The following STK31 variants were observed in gnomAD, a reference collection of about 807,000 sequenced individuals.
STK31 encodes serine/threonine-protein kinase 31.
A neutral mutation model predicts 129.7 loss-of-function variants in STK31; 89 were observed. That is an observed-to-expected ratio of 0.69 (90% CI 0.58 to 0.82). The LOEUF is 0.82. Among genes scored for constraint, STK31 ranks in the 40% least tolerant of loss-of-function variants. The pLI is 0.00. For synonymous variants in STK31, 448 were observed against 395.3 expected, an observed-to-expected ratio of 1.13 and a Z score of -1.58; for missense variants, 1,187 against 1,176.4, an observed-to-expected ratio of 1.01 and a Z score of -0.13.
intron 10 of STK31, among the ~76,000 whole-genome samples, chr7:23,756,559 C>T (rs964275018): frequency 2.6e-5 from 4 of 152,108 alleles, no homozygotes; most frequent in Non-Finnish European, 5.9e-5. Context: ...GAGAGGGAAT[C>T]GTTGTCTTGT....
Position 23,772,128 on chromosome 7 carries a change from G to A in STK31, c.1834-19G>A, listed in dbSNP as rs143277635. The A allele has an allele frequency of 1.6e-4, 237 of 1,507,010 alleles. 1 individual carries two copies. In the East Asian group the frequency reaches 4.3e-3, roughly 27 times the overall value. The allele number at this position is 1,507,010 out of a possible 1,614,324, so 93.4% of individuals were successfully genotyped here. ...ACTTTTCTTATGTGTTTGAAAATAC[G>A]TAACTTTTGTTTACTTAGTTTAAAA... On this transcript the variant is annotated intron_variant, in intron 14 of 23. Transcript: ENST00000355870.
At chr7:23,761,111 C>G (rs1055241672) in intron 10 of STK31, among the ~76,000 whole-genome samples, 2 of 152,006 alleles carry the variant, frequency 1.3e-5, no homozygotes, top group African/African-American at 2.4e-5. Flanking sequence ...AAAAACCTGC[C>G]TTATTTGTTT....
At chr7:23,823,174 C>T (rs891461427) in intron 23 of STK31, among the ~76,000 whole-genome samples, 13 of 152,208 alleles carry the variant, frequency 8.5e-5, no homozygotes, top group East Asian at 3.9e-4. Flanking sequence ...ATTGCCACAC[C>T]GACTTCCACA....
intron 22 of STK31, among the ~76,000 whole-genome samples, chr7:23,796,543 A>G (rs181198195): frequency 3.7e-4 from 56 of 152,228 alleles, no homozygotes; most frequent in Non-Finnish European, 2.6e-4. Context: ...AACTTGTACA[A>G]TGGACTTTTT....
intron 6 of STK31, among the ~76,000 whole-genome samples, chr7:23,731,880 A>G (rs994379050): frequency 8.5e-5 from 13 of 152,270 alleles, no homozygotes; most frequent in Admixed American, 2.6e-4. Flanking sequence ...GTAGAAAGCA[A>G]GTGATCCTTT....
chr7:23,808,954 T>TGA (rs1792902669), intron 22 of STK31, among the ~76,000 whole-genome samples: 1 of 136,828 alleles, frequency 7.3e-6, no homozygotes, highest in Non-Finnish European at 1.6e-5. Context: ...TGTGTGTGTG[T>TGA]GTGTGTGTGT....
chr7:23,774,244 G>A (rs1005079697), intron 15 of STK31, among the ~76,000 whole-genome samples: 3 of 152,208 alleles, frequency 2.0e-5, no homozygotes, highest in Admixed American at 2.0e-4. Flanking sequence ...CTAAACATAC[G>A]TGTGCATGTG....
intron 11 of STK31, among the ~76,000 whole-genome samples, chr7:23,767,458 T>G (rs2193828): frequency 3.9e-5 from 6 of 151,966 alleles, no homozygotes; most frequent in Admixed American, 3.9e-4. Flanking sequence ...TGTTGCCATC[T>G]GGGATTATCT....
intron 22 of STK31, among the ~76,000 whole-genome samples, chr7:23,810,706 ATATAAAATAGAT>A (rs1454024829): frequency 1.2e-3 from 100 of 80,986 alleles, no homozygotes; most frequent in Admixed American, 3.8e-3. Context: ...AAATAGATAT[ATATAAAATAGAT>A]ATATATAAAA....
intron 23 of STK31, 40 bp downstream of exon 23, chr7:23,815,252 G>A (rs1793401735): frequency 7.5e-7 from 1 of 1,342,212 alleles, no homozygotes; most frequent in South Asian, 1.4e-5. Context: ...TGAAACACAT[G>A]CAGTAATATA....
intron 22 of STK31, among the ~76,000 whole-genome samples, chr7:23,808,319 G>A (rs1369268074): frequency 2.6e-5 from 4 of 151,764 alleles, no homozygotes; most frequent in Admixed American, 2.6e-4. Context: ...GCTGACAGAT[G>A]GGAGTGTAAA....
chr7:23,830,734 C>G lies in STK31; in HGVS notation c.2830-1402C>G, dbSNP rs140612089. ...TCATGGGTACAAGCAATTCTCCTGC[C>G]TCAGCCTCTTGAGTAGCTGAGATTA... On this transcript the variant is annotated intron_variant, in intron 23 of 23. Coordinates refer to ENST00000355870, the MANE Select transcript of STK31 (RefSeq NM_031414.5). Among the ~76,000 whole-genome samples the G allele has an allele frequency of 3.4e-4, 51 of 152,148 alleles. No individual in the cohort carries two copies. The East Asian group carries it at 7.1e-3, about 21-fold the overall frequency.
chr7:23,740,233 C>G (rs1057406985), intron 8 of STK31, among the ~76,000 whole-genome samples: 4 of 152,124 alleles, frequency 2.6e-5, no homozygotes, highest in African/African-American at 9.7e-5. Flanking sequence ...AGCCACCATG[C>G]CTTGCTAAAT....
rs70956924 is a variant in STK31 at position 23,813,078 on chromosome 7, C to CTTTTTTTTTTTTTTTTT, written c.2761-2062_2761-2046dup. Among the ~76,000 whole-genome samples the CTTTTTTTTTTTTTTTTT allele has an allele frequency of 2.1e-3, 201 of 94,078 alleles. 1 individual carries two copies. The highest frequency in any genetic ancestry group is 2.8e-3 in the Admixed American group (21 of 7,630). The allele number at this position is 94,078 out of a possible 152,430, so 61.7% of individuals were successfully genotyped here. On this transcript the variant is annotated intron_variant, in intron 22 of 23. Transcript: ENST00000355870. ...TCACAGGTCCTTGAGGCTCTCTGTT[C>CTTTTTTTTTTTTTTTTT]TTTTTTTTTTTTTTTTTTTTGTCTG...
intron 23 of STK31, among the ~76,000 whole-genome samples, chr7:23,828,316 G>A (rs767166750): frequency 5.3e-5 from 8 of 152,146 alleles, no homozygotes; most frequent in East Asian, 1.9e-4. Flanking sequence ...CCCCAGCCTC[G>A]CTGCCGCCTT....
At chr7:23,776,794 T>G (rs1790577433) in intron 15 of STK31, among the ~76,000 whole-genome samples, 1 of 152,184 alleles carries the variant, frequency 6.6e-6, no homozygotes, top group Admixed American at 6.5e-5. Context: ...GATTTTTTTT[T>G]GAAGGGTTTT....
intron 22 of STK31, among the ~76,000 whole-genome samples, chr7:23,802,841 C>G (rs1235663593): frequency 2.0e-5 from 3 of 152,164 alleles, no homozygotes; most frequent in African/African-American, 7.2e-5. Flanking sequence ...TTACAAACAG[C>G]TTGTCTGTGT....
Position 23,750,573 on chromosome 7 carries a change from C to G in STK31, c.1018-2144C>G, listed in dbSNP as rs374746106. Among the ~76,000 whole-genome samples, 15 of 152,236 alleles carry G rather than the reference C, an allele frequency of 9.9e-5. No individual in the cohort carries two copies. In the East Asian group the frequency reaches 2.9e-3, roughly 29 times the overall value. ...TACTTTTAGAGATAAAGATTTCTTT[C>G]TAAGCATTGCTTTATTTACAAACCA... On this transcript the variant is annotated intron_variant, in intron 8 of 23. Coordinates refer to ENST00000355870, the MANE Select transcript of STK31 (RefSeq NM_031414.5).
At chr7:23,710,800 C>A (rs1389988033) in intron 1 of STK31, 1 of 1,013,106 alleles carries the variant, frequency 9.9e-7, no homozygotes, top group Non-Finnish European at 1.2e-6. Context: ...GATTTAAAAA[C>A]TACTCTAGAA....
Sources: gnomAD v4.1 joint callset for allele counts (sites outside exome capture counted in the v4.1 genomes callset) on GRCh38, gnomAD v4.1.1 for gene constraint, MANE v1.5 for transcripts, NCBI Gene and HGNC (gene_info 2026-07-23, HGNC 2026-07-21) for gene names.